Variants in NIBAN2 observed in about 807,000 individuals in gnomAD.
NIBAN2 encodes the protein protein Niban 2.
A neutral mutation model predicts 81.8 loss-of-function variants in NIBAN2; 36 were observed. The ratio of observed to expected loss-of-function variants is 0.44; its 90% confidence interval spans 0.34 to 0.58. The LOEUF (loss-of-function observed/expected upper bound fraction) is 0.58. Among genes scored for constraint, NIBAN2 ranks in the 20% least tolerant of loss-of-function variants. The pLI is 0.02. For synonymous variants in NIBAN2, 445 were observed against 441.6 expected, an observed-to-expected ratio of 1.01 and a Z score of -0.10; for missense variants, 897 against 1,014.1, an observed-to-expected ratio of 0.88 and a Z score of 1.57.
chr9:127,576,661 C>G (rs1433321969), intron 1 of NIBAN2, among the ~76,000 whole-genome samples: 1 of 151,610 alleles, frequency 6.6e-6, no homozygotes, highest in African/African-American at 2.4e-5. Context: ...GCCTGTAATC[C>G]CAACACTTTG....
chr9:127,568,930 C>T lies in NIBAN2; in HGVS notation c.-56G>A. Reference sequence around the variant, plus strand: ...GACGCCGCCGCTGTTGCCCGCGCTGCTCAGGCGGACGCCGCTGGCGCCATG... The same window carrying T: ...GACGCCGCCGCTGTTGCCCGCGCTGTTCAGGCGGACGCCGCTGGCGCCATG... On this transcript the variant is annotated 5_prime_UTR_variant, in exon 1 of 14. Transcript: ENST00000373312. 8.2e-7 allele frequency: 1 copy of T among 1,217,788 alleles called. No homozygotes were observed. Among genetic ancestry groups the T allele is most frequent in the Non-Finnish European group, 1.0e-6 (1 of 979,974 alleles). The allele number at this position is 1,217,788 out of a possible 1,614,324, so 75.4% of individuals were successfully genotyped here.
intron 1 of NIBAN2, among the ~76,000 whole-genome samples, chr9:127,541,289 A>G (rs1837374514): frequency 6.6e-6 from 1 of 152,156 alleles, no homozygotes; most frequent in Non-Finnish European, 1.5e-5. Flanking sequence ...CCCCCCACCT[A>G]CTGTCACAAT....
upstream of NIBAN2, among the ~76,000 whole-genome samples, chr9:127,572,686 C>G (rs1259051176): frequency 6.6e-6 from 1 of 151,944 alleles, no homozygotes; most frequent in African/African-American, 2.4e-5. Context: ...GTCCTCACAG[C>G]TTCTGGGGTA....
chr9:127,526,469 G>T (rs1228206571), intron 3 of NIBAN2, among the ~76,000 whole-genome samples: 1 of 152,040 alleles, frequency 6.6e-6, no homozygotes, highest in Non-Finnish European at 1.5e-5. Flanking sequence ...AACTCTGGGG[G>T]AAAGCCCAGC....
intron 1 of NIBAN2, among the ~76,000 whole-genome samples, chr9:127,565,946 T>TCTCACACACACA (rs751937125): frequency 1.1e-3 from 149 of 130,608 alleles, no homozygotes; most frequent in African/African-American, 4.5e-3. Context: ...TCTCTCTCTC[T>TCTCACACACACA]CACACACACA....
intron 1 of NIBAN2, among the ~76,000 whole-genome samples, chr9:127,548,423 CCT>C (rs748579790): frequency 3.3e-5 from 5 of 152,098 alleles, no homozygotes; most frequent in African/African-American, 4.8e-5. Context: ...AATCAAGGGC[CCT>C]GAGTCCTCGT....
At chr9:127,567,519 C>T (rs559796784) in intron 1 of NIBAN2, among the ~76,000 whole-genome samples, 1 of 152,310 alleles carries the variant, frequency 6.6e-6, no homozygotes, top group Admixed American at 6.5e-5. Flanking sequence ...GGACTTGGCC[C>T]GGGACCACAG....
At chr9:127,554,424 C>T (rs907216358) in intron 1 of NIBAN2, among the ~76,000 whole-genome samples, 1 of 152,160 alleles carries the variant, frequency 6.6e-6, no homozygotes, top group Non-Finnish European at 1.5e-5. Flanking sequence ...CCGGAGCCTG[C>T]CCTGTGCTTG....
intron 5 of NIBAN2, among the ~76,000 whole-genome samples, chr9:127,519,749 C>T (rs1350803340): frequency 6.6e-6 from 1 of 152,236 alleles, no homozygotes; most frequent in Non-Finnish European, 1.5e-5. Context: ...AGGAGCAGGG[C>T]AGGGATGTTC....
At chr9:127,512,106 C>G (rs766336075) in intron 8 of NIBAN2, among the ~76,000 whole-genome samples, 16 of 152,144 alleles carry the variant, frequency 1.1e-4, no homozygotes, top group Non-Finnish European at 2.1e-4. Flanking sequence ...GTCACCCCTC[C>G]GCTCACTGAG....
At chr9:127,537,333 G>A (rs914663043) in intron 1 of NIBAN2, among the ~76,000 whole-genome samples, 4 of 152,322 alleles carry the variant, frequency 2.6e-5, no homozygotes, top group East Asian at 1.9e-4. Flanking sequence ...CTCCATAAAC[G>A]TCACTGTTAA....
chr9:127,508,486 C>A lies in NIBAN2; in HGVS notation c.1370G>T (p.Gly457Val), dbSNP rs763915075. 5.6e-6 allele frequency: 9 copies of A among 1,613,890 alleles called. No individual in the cohort carries two copies. In the Admixed American group the frequency reaches 1.5e-4, roughly 27 times the overall value. Reference protein sequence around the residue: ...TFETLLHQELGKGPTKEELCK... With the variant: ...TFETLLHQELVKGPTKEELCK... ...CAGCTCCTCCTTGGTGGGCCCCTTCCCCAGCTCCTGGTGCAGGAGGGTCTC... is the reference window on the plus strand; with the variant it reads ...CAGCTCCTCCTTGGTGGGCCCCTTCACCAGCTCCTGGTGCAGGAGGGTCTC... Residue 457 changes from glycine to valine, a missense_variant, in exon 11 of 14, where the codon GGG (glycine) becomes GTG (valine). This residue lies in a region of NIBAN2 where 619 missense variants were observed against 691.0 expected (regional missense o/e 0.90). Coordinates refer to ENST00000373312, the MANE Select transcript of NIBAN2 (RefSeq NM_022833.4). The surrounding 1 kb of genome is among the most constrained non-coding windows in gnomAD (Gnocchi z 6.4).
At chr9:127,578,428 G>T (rs112654175) in intron 1 of NIBAN2, among the ~76,000 whole-genome samples, 1 of 150,848 alleles carries the variant, frequency 6.6e-6, no homozygotes, top group East Asian at 2.0e-4. Flanking sequence ...TTAGGAGACC[G>T]AGGCAGGTGG....
At chr9:127,532,468 C>T (rs559452076) in intron 1 of NIBAN2, among the ~76,000 whole-genome samples, 5 of 151,830 alleles carry the variant, frequency 3.3e-5, no homozygotes, top group African/African-American at 7.3e-5. Context: ...TGGTGGCAGG[C>T]GCCTGTAAGG....
chr9:127,511,376 T>A (rs1836733364), intron 8 of NIBAN2, among the ~76,000 whole-genome samples: 1 of 152,046 alleles, frequency 6.6e-6, no homozygotes, highest in African/African-American at 2.4e-5. Context: ...ATTATTATTA[T>A]TTTAAGAGGC....
Position 127,536,669 on chromosome 9 carries a change from C to A in NIBAN2, c.56-4891G>T, listed in dbSNP as rs950456081. On this transcript the variant is annotated intron_variant, in intron 1 of 13. Coordinates refer to ENST00000373312, the MANE Select transcript of NIBAN2 (RefSeq NM_022833.4). The surrounding 1 kb of genome is among the most constrained non-coding windows in gnomAD (Gnocchi z 4.0). ...TGGGGCAGATGTTGGACAGGGCCTC[C>A]AACACTCAGGCTTACCACCCTGTTA... 4.6e-5 allele frequency among the ~76,000 whole-genome samples: 7 copies of A among 152,202 alleles called. No homozygotes were observed. The highest frequency in any genetic ancestry group is 1.7e-4 in the African/African-American group (7 of 41,448).
chr9:127,576,872 T>C (rs1396755978), intron 1 of NIBAN2, among the ~76,000 whole-genome samples: 1 of 151,756 alleles, frequency 6.6e-6, no homozygotes, highest in East Asian at 2.0e-4. Context: ...TTTGTATTTT[T>C]AGTAGAGACG....
intron 1 of NIBAN2, among the ~76,000 whole-genome samples, chr9:127,560,878 T>TGAAA (rs1837761531): frequency 6.6e-6 from 1 of 152,160 alleles, no homozygotes; most frequent in Non-Finnish European, 1.5e-5. Flanking sequence ...TTGAGACCCC[T>TGAAA]ACAAAAGGGT....
chr9:127,546,754 C>T (rs1426520248), intron 1 of NIBAN2, among the ~76,000 whole-genome samples: 3 of 152,130 alleles, frequency 2.0e-5, no homozygotes, highest in South Asian at 2.1e-4. Flanking sequence ...GTTGCTCTCA[C>T]TCATTCATTC....
Sources: gnomAD v4.1 joint callset for allele counts (sites outside exome capture counted in the v4.1 genomes callset) on GRCh38, gnomAD v4.1.1 for gene constraint, gnomAD v4.1.1 regional missense constraint, Gnocchi (gnomAD v3.1) non-coding constraint, MANE v1.5 for transcripts, NCBI Gene and HGNC (gene_info 2026-07-23, HGNC 2026-07-21) for gene names.